The following CFAP61 variants were observed in gnomAD, a reference collection of about 807,000 sequenced individuals.
CFAP61 encodes the protein cilia and flagella associated protein 61, also known as cilia- and flagella-associated protein 61.
In CFAP61, 107 loss-of-function variants were observed where a neutral mutation model predicts 135.6. The observed-to-expected ratio is 0.79, with a 90% CI of 0.67 to 0.93. CFAP61 has a LOEUF of 0.93. Ranked by LOEUF, CFAP61 falls within the 40% of genes least tolerant of loss-of-function variation. CFAP61 has a pLI of 0.00. For missense variants in CFAP61, 1,507 were observed against 1,556.2 expected (o/e 0.97, Z 0.53); for synonymous variants, 575 against 578.5 (o/e 0.99, Z 0.09).
intron 18 of CFAP61, among the ~76,000 whole-genome samples, chr20:20,237,950 GGTGA>G (rs764194428): frequency 1.3e-3 from 199 of 152,218 alleles, no homozygotes; most frequent in Admixed American, 2.9e-3. Flanking sequence ...CTACAGTGTT[GGTGA>G]GTATTTTCAA....
intron 22 of CFAP61, among the ~76,000 whole-genome samples, chr20:20,284,307 A>T (rs1390561897): frequency 6.9e-6 from 1 of 144,532 alleles, no homozygotes; most frequent in East Asian, 2.2e-4. Context: ...TTATTTTGAG[A>T]TGGAGTCTCG....
At chr20:20,257,042 C>A (rs2051668769) in intron 20 of CFAP61, among the ~76,000 whole-genome samples, 2 of 151,816 alleles carry the variant, frequency 1.3e-5, no homozygotes, top group African/African-American at 4.8e-5. Context: ...GAACAAACTT[C>A]AAAAGAAAAA....
rs1037091180 is a variant in CFAP61 at position 20,221,420 on chromosome 20, A to C, written c.1933-6829A>C. Among the ~76,000 whole-genome samples, 5 of 152,190 alleles carry C rather than the reference A, an allele frequency of 3.3e-5. No homozygotes were observed. The East Asian group carries it at 9.6e-4, about 29-fold the overall frequency. On this transcript the variant is annotated intron_variant, in intron 17 of 26. Transcript: ENST00000245957. Reference sequence around the variant, plus strand: ...TTAATTGGAAACAAGTGAATTAACCACCTAATTCATCAAATCTAAGTTGCT... The same window carrying C: ...TTAATTGGAAACAAGTGAATTAACCCCCTAATTCATCAAATCTAAGTTGCT...
chr20:20,218,289 A>C (rs1238568915), intron 17 of CFAP61, among the ~76,000 whole-genome samples: 1 of 152,170 alleles, frequency 6.6e-6, no homozygotes, highest in Non-Finnish European at 1.5e-5. Context: ...ACGAGATCTC[A>C]TGAGCTTATC....
rs577089506 is a variant in CFAP61, at chr20:20,351,371, G to A, written c.3514-8839G>A. ...CAAGGCGGGCAGATCACCTGAGGTC[G>A]GGAGTTCAAGACCAGCCTGGCCAAC... On this transcript the variant is annotated intron_variant, in intron 26 of 26. Transcript: ENST00000245957. Among the ~76,000 whole-genome samples the A allele has an allele frequency of 6.6e-5, 10 of 151,626 alleles. 1 individual carries two copies. The South Asian group carries it at 1.7e-3, about 25-fold the overall frequency.
At chr20:20,249,860 A>C (rs2050748914) in intron 19 of CFAP61, among the ~76,000 whole-genome samples, 1 of 152,220 alleles carries the variant, frequency 6.6e-6, no homozygotes, top group African/African-American at 2.4e-5. Flanking sequence ...GATGGCTTAG[A>C]GTAGGGATCT....
chr20:20,323,806 T>C (rs1423317214), intron 25 of CFAP61, among the ~76,000 whole-genome samples: 2 of 152,236 alleles, frequency 1.3e-5, no homozygotes, highest in Non-Finnish European at 2.9e-5. Flanking sequence ...TTTTGGTGTG[T>C]GTCCTTTCAT....
At chr20:20,292,249 G>C (rs2147068886) in intron 24 of CFAP61, among the ~76,000 whole-genome samples, 1 of 152,318 alleles carries the variant, frequency 6.6e-6, no homozygotes, top group Non-Finnish European at 1.5e-5. Flanking sequence ...GGTGAAGATG[G>C]CTGTTTTAAT....
intron 26 of CFAP61, among the ~76,000 whole-genome samples, chr20:20,348,426 G>A (rs938566444): frequency 1.6e-4 from 24 of 152,122 alleles, no homozygotes; most frequent in Non-Finnish European, 2.9e-4. Flanking sequence ...AGTGGGTCAC[G>A]CCTATAATCT....
intron 8 of CFAP61, among the ~76,000 whole-genome samples, chr20:20,104,663 A>G (rs1301658766): frequency 1.3e-5 from 2 of 152,150 alleles, no homozygotes; most frequent in Non-Finnish European, 2.9e-5. Flanking sequence ...TTAACCAGTG[A>G]CCCACCAGGA....
intron 25 of CFAP61, among the ~76,000 whole-genome samples, chr20:20,304,002 A>T (rs536762649): frequency 4.3e-4 from 66 of 152,234 alleles, no homozygotes; most frequent in African/African-American, 1.4e-3. Context: ...TGCGGGTCAG[A>T]TGTTGCTGTG....
At chr20:20,126,103 TC>T (rs2050046002) in intron 8 of CFAP61, among the ~76,000 whole-genome samples, 1 of 151,718 alleles carries the variant, frequency 6.6e-6, no homozygotes, top group Admixed American at 6.6e-5. Flanking sequence ...TTTATGTGGG[TC>T]CTTATGTGTG....
intron 26 of CFAP61, among the ~76,000 whole-genome samples, chr20:20,358,182 G>A (rs1569336664): frequency 7.2e-6 from 1 of 139,770 alleles, no homozygotes; most frequent in Non-Finnish European, 1.6e-5. Flanking sequence ...CTGAGGGGAA[G>A]TGGTCACACT....
chr20:20,207,863 G>A (rs2056925523), intron 17 of CFAP61, among the ~76,000 whole-genome samples: 1 of 152,152 alleles, frequency 6.6e-6, no homozygotes, highest in African/African-American at 2.4e-5. Context: ...ATTATTTTCT[G>A]TGAAAAAGAC....
At chr20:20,091,867 G>A (rs576710573) in intron 7 of CFAP61, among the ~76,000 whole-genome samples, 1 of 152,020 alleles carries the variant, frequency 6.6e-6, no homozygotes, top group Non-Finnish European at 1.5e-5. Flanking sequence ...TAGTAGAGAC[G>A]GGGTTTCACC....
intron 22 of CFAP61, among the ~76,000 whole-genome samples, chr20:20,280,359 TC>T (rs1385274769): frequency 1.3e-5 from 2 of 152,174 alleles, no homozygotes; most frequent in Non-Finnish European, 2.9e-5. Context: ...GGGAGCATGT[TC>T]CTGACAATAC....
chr20:20,168,909 A>G (rs1314171744), intron 12 of CFAP61, among the ~76,000 whole-genome samples: 3 of 152,184 alleles, frequency 2.0e-5, no homozygotes, highest in East Asian at 3.9e-4. Context: ...TCATCCTCCC[A>G]TCTCGCAAGA....
At chr20:20,279,043 G>A (rs1184512019) in intron 22 of CFAP61, among the ~76,000 whole-genome samples, 2 of 152,114 alleles carry the variant, frequency 1.3e-5, no homozygotes, top group Non-Finnish European at 1.5e-5. Context: ...CTCAAAAATG[G>A]CAAACCTGGA....
rs769159048 is a variant in CFAP61, at chr20:20,246,117, C to A, written c.2061C>A (p.Cys687Ter). 6.3e-7 allele frequency: 1 copy of A among 1,585,884 alleles called. No homozygotes were observed. The highest frequency in any genetic ancestry group is 8.6e-7 in the Non-Finnish European group (1 of 1,159,892). ...CTTTTTCATTTTTCTTTTTCTTTAG[C>A]TCTCACATGAAGTTTAATAATCTTA... is the stretch of plus-strand genomic sequence containing the variant. ...GISFLETLVF[C>*]SHMKFNNLTL... The change falls in exon 19 of 27, where the codon TGC becomes TGA. Residue 687 changes from cysteine to a stop codon, truncating the protein, a stop_gained and splice_region_variant. Transcript: ENST00000245957. LOFTEE classifies it high-confidence loss of function.
Sources: gnomAD v4.1 joint callset for allele counts (sites outside exome capture counted in the v4.1 genomes callset) on GRCh38, gnomAD v4.1.1 for gene constraint, MANE v1.5 for transcripts, NCBI Gene and HGNC (gene_info 2026-07-23, HGNC 2026-07-21) for gene names.